PDZRN3: variants seen among roughly 807,000 people sequenced by gnomAD.
PDZRN3 encodes the protein E3 ubiquitin-protein ligase PDZRN3.
PDZRN3 carries 38 observed loss-of-function variants against 85.7 expected under a neutral mutation model. The ratio of observed to expected loss-of-function variants is 0.44; its 90% CI spans 0.34 to 0.58. The LOEUF is 0.58. Ranked by LOEUF, PDZRN3 falls within the 20% of genes least tolerant of loss-of-function variation. The pLI is 0.01. For synonymous variants in PDZRN3, 759 were observed against 638.0 expected, an observed-to-expected ratio of 1.19 and a Z score of -2.86; for missense variants, 1,629 against 1,506.4, an observed-to-expected ratio of 1.08 and a Z score of -1.35.
intron 6 of PDZRN3, 26 bp from the exon 7 acceptor site, chr3:73,389,904 C>T (rs558601468): frequency 1.8e-5 from 29 of 1,578,928 alleles, no homozygotes; most frequent in South Asian, 5.5e-5. Flanking sequence ...ACCATCTCAG[C>T]GCAAACGCAG....
At chr3:73,522,740 C>T (rs541145705) in intron 3 of PDZRN3, among the ~76,000 whole-genome samples, 2 of 151,148 alleles carry the variant, frequency 1.3e-5, no homozygotes, top group African/African-American at 2.4e-5. Context: ...CTGGCCAAAA[C>T]GAAGAGATAT....
At chr3:73,452,973 CA>C (rs1702897639) in intron 3 of PDZRN3, among the ~76,000 whole-genome samples, 1 of 151,860 alleles carries the variant, frequency 6.6e-6, no homozygotes, top group South Asian at 2.1e-4. Context: ...GACATTTGTA[CA>C]GTGATAAATG....
chr3:73,532,920 T>C (rs903799943), intron 3 of PDZRN3, among the ~76,000 whole-genome samples: 3 of 152,208 alleles, frequency 2.0e-5, no homozygotes, highest in African/African-American at 4.8e-5. Flanking sequence ...GGCTAGAGTG[T>C]TCCTGACCAG....
intron 3 of PDZRN3, among the ~76,000 whole-genome samples, chr3:73,418,068 A>C (rs1046665369): frequency 5.2e-5 from 8 of 152,392 alleles, no homozygotes; most frequent in African/African-American, 1.9e-4. Context: ...AAAAAGAATA[A>C]TAATGACATC....
intron 3 of PDZRN3, among the ~76,000 whole-genome samples, chr3:73,577,167 C>T (rs1324555229): frequency 6.6e-6 from 1 of 152,134 alleles, no homozygotes; most frequent in Non-Finnish European, 1.5e-5. Flanking sequence ...AAATTGAGAG[C>T]TTGGTGTAAT....
chr3:73,498,355 G>A (rs568006625), intron 3 of PDZRN3, among the ~76,000 whole-genome samples: 1 of 152,266 alleles, frequency 6.6e-6, no homozygotes, highest in African/African-American at 2.4e-5. Context: ...ACAGTTGGTA[G>A]TATGTACCAA....
intron 3 of PDZRN3, among the ~76,000 whole-genome samples, chr3:73,443,475 T>C (rs1002405677): frequency 2.5e-5 from 1 of 40,422 alleles, no homozygotes; most frequent in African/African-American, 6.0e-5. Flanking sequence ...TTATTTTCCT[T>C]TTTCTTTTTT....
chr3:73,501,920 G>T (rs1447022377), intron 3 of PDZRN3, among the ~76,000 whole-genome samples: 1 of 152,208 alleles, frequency 6.6e-6, no homozygotes, highest in African/African-American at 2.4e-5. Context: ...GGAGGCTGAG[G>T]CAGGAGAATC....
intron 3 of PDZRN3, among the ~76,000 whole-genome samples, chr3:73,456,848 G>A (rs1449471318): frequency 1.3e-5 from 2 of 151,902 alleles, no homozygotes; most frequent in South Asian, 2.1e-4. Context: ...TAGCCAGAGA[G>A]ATAAATAATA....
At chr3:73,416,581 T>C (rs546926784) in intron 3 of PDZRN3, among the ~76,000 whole-genome samples, 6 of 152,140 alleles carry the variant, frequency 3.9e-5, no homozygotes, top group Non-Finnish European at 8.8e-5. Context: ...TCTAGAAACT[T>C]TGCTTCCTAA....
At chr3:73,566,694 T>C (rs569208898) in intron 3 of PDZRN3, among the ~76,000 whole-genome samples, 38 of 152,254 alleles carry the variant, frequency 2.5e-4, no homozygotes, top group South Asian at 1.7e-3. Context: ...TGGCCCATAA[T>C]AGGATTAGTG....
chr3:73,504,335 G>A (rs966957487), intron 3 of PDZRN3, among the ~76,000 whole-genome samples: 3 of 152,190 alleles, frequency 2.0e-5, no homozygotes, highest in Non-Finnish European at 4.4e-5. Context: ...ACATAAAGGC[G>A]CCATTCAGGA....
intron 3 of PDZRN3, among the ~76,000 whole-genome samples, chr3:73,584,172 C>T (rs1273800590): frequency 6.6e-6 from 1 of 151,462 alleles, no homozygotes; most frequent in African/African-American, 2.4e-5. Context: ...CCATTTATAA[C>T]TTGCGACTTT....
At chr3:73,548,266 G>A (rs926835324) in intron 3 of PDZRN3, among the ~76,000 whole-genome samples, 1 of 152,168 alleles carries the variant, frequency 6.6e-6, no homozygotes, top group Non-Finnish European at 1.5e-5. Flanking sequence ...TTTCTCTGAT[G>A]ATGTTTGAGG....
chr3:73,621,737 C>T (rs1453545281), intron 1 of PDZRN3: 1 of 152,184 alleles, frequency 6.6e-6, no homozygotes, highest in Non-Finnish European at 1.5e-5. Context: ...AAGGCTGGCA[C>T]TGAGGTTGGT....
intron 3 of PDZRN3, among the ~76,000 whole-genome samples, chr3:73,482,557 A>C (rs1391293212): frequency 1.3e-5 from 2 of 152,170 alleles, no homozygotes; most frequent in East Asian, 1.9e-4. Context: ...TTTGTTTTTA[A>C]ATCTCTGACA....
intron 3 of PDZRN3, among the ~76,000 whole-genome samples, chr3:73,579,875 T>C (rs1435757234): frequency 6.6e-6 from 1 of 152,160 alleles, no homozygotes; most frequent in Non-Finnish European, 1.5e-5. Context: ...CATATTTACA[T>C]AATATTTAGA....
chr3:73,382,775 A>G lies in PDZRN3; in HGVS notation c.*590T>C, dbSNP rs935871697. On this transcript the variant is annotated 3_prime_UTR_variant, in exon 10 of 10. Coordinates refer to ENST00000263666, the MANE Select transcript of PDZRN3 (RefSeq NM_015009.3). ...CCTTTACACTCTCTTGGGAACCTTA[A>G]CCAGGAAAATGTTTAAATGTATATC... The G allele has an allele frequency of 2.6e-5, 4 of 152,762 alleles. No homozygotes were observed. The highest frequency in any genetic ancestry group is 2.0e-4 in the Admixed American group (3 of 15,290). The allele number at this position is 152,762 out of a possible 1,614,324, so 9.5% of individuals were successfully genotyped here.
intron 3 of PDZRN3, among the ~76,000 whole-genome samples, chr3:73,536,541 T>C (rs1194406068): frequency 6.6e-6 from 1 of 152,250 alleles, no homozygotes; most frequent in Non-Finnish European, 1.5e-5. Flanking sequence ...GAAGCACATC[T>C]GAAACCTCTG....
Sources: allele counts gnomAD v4.1 joint callset (sites outside exome capture counted in the v4.1 genomes callset), GRCh38; gene constraint gnomAD v4.1.1; transcripts MANE v1.5; gene names NCBI Gene and HGNC (gene_info 2026-07-23, HGNC 2026-07-21).